The following TTC7B variants were observed in gnomAD, a reference collection of about 807,000 sequenced individuals.
TTC7B encodes the protein tetratricopeptide repeat domain 7B.
In TTC7B, 28 loss-of-function variants were observed where a neutral mutation model predicts 106.8. That is an observed-to-expected ratio of 0.26 (90% CI 0.19 to 0.36). The LOEUF is 0.36. Among genes scored for constraint, TTC7B ranks in the 10% least tolerant of loss-of-function variants. TTC7B has a pLI of 1.00. For synonymous variants in TTC7B, 405 were observed against 430.6 expected (o/e 0.94, Z 0.74); for missense variants, 862 against 1,076.4 (o/e 0.80, Z 2.79).
rs930036850 is a variant in TTC7B at position 90,773,705 on chromosome 14, A to C, written c.445+7033T>G. Among the ~76,000 whole-genome samples, 140 of 152,324 alleles carry C rather than the reference A, an allele frequency of 9.2e-4. 2 individuals carry two copies. The highest frequency in any genetic ancestry group is 3.9e-4 in the East Asian group (2 of 5,184). On this transcript the variant is annotated intron_variant, in intron 3 of 19. Transcript: ENST00000328459. ...ATGGGACTAACACTGAACTTCATGC[A>C]GTTTCCAGTGCCCGGCTCTGGTCCT...
At chr14:90,644,011 T>TC (rs753859874) in intron 15 of TTC7B, 37 bp downstream of exon 15, 2 of 1,613,410 alleles carry the variant, frequency 1.2e-6, no homozygotes, top group Non-Finnish European at 1.7e-6. Flanking sequence ...TTTAATAACT[T>TC]CTGAGTAAGG....
chr14:90,718,113 C>A (rs1191085484), intron 5 of TTC7B, among the ~76,000 whole-genome samples: 1 of 152,220 alleles, frequency 6.6e-6, no homozygotes, highest in Admixed American at 6.5e-5. Context: ...TCCAGCTGCA[C>A]CCCATGAGGT....
rs1425772208 is a variant in TTC7B at position 90,529,551 on chromosome 14, T to C, written c.*11817A>G. ...ATGAGCATGTGAGTGGCTAAGAGTATGGATTCTGGAGTCAGGCAACCTGGG... is the reference window on the plus strand; with the variant it reads ...ATGAGCATGTGAGTGGCTAAGAGTACGGATTCTGGAGTCAGGCAACCTGGG... On this transcript the variant is annotated 3_prime_UTR_variant, in exon 20 of 20. Coordinates refer to ENST00000328459, the MANE Select transcript of TTC7B (RefSeq NM_001010854.2). The C allele has an allele frequency of 2.0e-5, 3 of 152,232 alleles. No homozygotes were observed. Among genetic ancestry groups the C allele is most frequent in the Non-Finnish European group, 4.4e-5 (3 of 68,052 alleles). The allele number at this position is 152,232 out of a possible 1,614,324, so 9.4% of individuals were successfully genotyped here.
chr14:90,595,389 G>A (rs1892162175), intron 17 of TTC7B, among the ~76,000 whole-genome samples: 1 of 152,072 alleles, frequency 6.6e-6, no homozygotes, highest in Non-Finnish European at 1.5e-5. Flanking sequence ...CTAATTGATG[G>A]TATATGAAGG....
chr14:90,810,315 G>C (rs928842847), intron 1 of TTC7B, among the ~76,000 whole-genome samples: 1 of 152,176 alleles, frequency 6.6e-6, no homozygotes, highest in African/African-American at 2.4e-5. Context: ...GGCCCCAAGG[G>C]CTTCCGAAAA....
At chr14:90,554,896 T>A (rs969368973) in intron 19 of TTC7B, among the ~76,000 whole-genome samples, 8 of 152,182 alleles carry the variant, frequency 5.3e-5, no homozygotes, top group Non-Finnish European at 8.8e-5. Flanking sequence ...AGAGGTCTCA[T>A]TCTTCCTGGA....
rs577000790 is a variant in TTC7B at position 90,624,193 on chromosome 14, G to A, written c.1752-6148C>T. The stretch of plus-strand genomic sequence containing the variant: ...AAAATCTGGTTTTTTGAAGGACCTC[G>A]TTAATCAAAGTTTTACTTTTCATTA... On this transcript the variant is annotated intron_variant, in intron 15 of 19. Transcript: ENST00000328459. The surrounding 1 kb of genome is among the most constrained non-coding windows in gnomAD (Gnocchi z 4.0). 9.8e-5 allele frequency among the ~76,000 whole-genome samples: 15 copies of A among 152,304 alleles called. No homozygotes were observed. In the South Asian group the frequency reaches 1.0e-3, roughly 11 times the overall value.
At chr14:90,598,389 GA>G (rs1456325842) in intron 17 of TTC7B, among the ~76,000 whole-genome samples, 1 of 152,180 alleles carries the variant, frequency 6.6e-6, no homozygotes, top group Non-Finnish European at 1.5e-5. Context: ...ACCTGATACA[GA>G]GGCAAAGTGC....
intron 15 of TTC7B, among the ~76,000 whole-genome samples, chr14:90,627,550 T>C (rs8020106): frequency 0.22 from 33,248 of 152,208 alleles, 4,601 homozygotes; most frequent in Admixed American, 0.3. Flanking sequence ...GCCCTTATCT[T>C]AGCTGGGAGG....
intron 1 of TTC7B, among the ~76,000 whole-genome samples, chr14:90,811,912 G>C (rs927165139): frequency 6.6e-6 from 1 of 152,224 alleles, no homozygotes; most frequent in Non-Finnish European, 1.5e-5. Flanking sequence ...GACCTCCAAT[G>C]TGCCTGTTTG....
chr14:90,598,102 C>T (rs1038351600), intron 17 of TTC7B, among the ~76,000 whole-genome samples: 1 of 152,208 alleles, frequency 6.6e-6, no homozygotes, highest in Non-Finnish European at 1.5e-5. Flanking sequence ...CTGTGTGCTG[C>T]GCAGCGGCTG....
chr14:90,615,933 C>G (rs1407447546), intron 16 of TTC7B, among the ~76,000 whole-genome samples: 1 of 152,190 alleles, frequency 6.6e-6, no homozygotes. Context: ...TGCCTGGAGC[C>G]AGGGTCCTCC....
At chr14:90,543,247 A>T (rs1367392255) in intron 19 of TTC7B, among the ~76,000 whole-genome samples, 1 of 152,186 alleles carries the variant, frequency 6.6e-6, no homozygotes, top group Non-Finnish European at 1.5e-5. Flanking sequence ...AAAACTTAGA[A>T]AGTTATCCTT....
At chr14:90,776,749 G>A (rs553911133) in intron 3 of TTC7B, among the ~76,000 whole-genome samples, 6 of 152,130 alleles carry the variant, frequency 3.9e-5, no homozygotes, top group Non-Finnish European at 8.8e-5. Flanking sequence ...GAACATGGGT[G>A]TCAGACTGAG....
chr14:90,592,823 C>A (rs1392771634), intron 18 of TTC7B, among the ~76,000 whole-genome samples: 1 of 152,190 alleles, frequency 6.6e-6, no homozygotes, highest in African/African-American at 2.4e-5. Context: ...TCATGCCCCC[C>A]TTCCGGGCCA....
intron 19 of TTC7B, among the ~76,000 whole-genome samples, chr14:90,572,076 G>T (rs1430823166): frequency 1.3e-5 from 2 of 152,048 alleles, no homozygotes; most frequent in South Asian, 4.1e-4. Context: ...TTTAAGAGAC[G>T]AGAGAGAGAG....
At chr14:90,681,849 A>C (rs1887060945) in intron 7 of TTC7B, among the ~76,000 whole-genome samples, 2 of 151,180 alleles carry the variant, frequency 1.3e-5, no homozygotes, top group African/African-American at 4.9e-5. Flanking sequence ...GTGTCTCCCA[A>C]ACAACCACCT....
intron 5 of TTC7B, among the ~76,000 whole-genome samples, chr14:90,720,375 TTC>T (rs1204875902): frequency 6.6e-6 from 1 of 152,200 alleles, no homozygotes; most frequent in African/African-American, 2.4e-5. Flanking sequence ...ACGATCTGAT[TTC>T]TCTCTGACAG....
intron 1 of TTC7B, among the ~76,000 whole-genome samples, chr14:90,798,632 C>A (rs1242235793): frequency 7.3e-6 from 1 of 137,494 alleles, no homozygotes; most frequent in Admixed American, 8.9e-5. Flanking sequence ...ATTGCTTGAA[C>A]CTGGGAGGCA....
Sources: gnomAD v4.1 joint callset for allele counts (sites outside exome capture counted in the v4.1 genomes callset) on GRCh38, gnomAD v4.1.1 for gene constraint, Gnocchi (gnomAD v3.1) non-coding constraint, MANE v1.5 for transcripts, NCBI Gene and HGNC (gene_info 2026-07-23, HGNC 2026-07-21) for gene names.